Variants in VMP1 observed in about 807,000 individuals in gnomAD.
VMP1 encodes vacuole membrane protein 1.
VMP1 carries 11 observed loss-of-function variants against 56.0 expected under a neutral mutation model. That is an observed-to-expected ratio of 0.20 (90% CI 0.12 to 0.32). The LOEUF is 0.32. Ranked by LOEUF, VMP1 falls within the 10% of genes least tolerant of loss-of-function variation. The probability of loss-of-function intolerance (pLI) is 1.00; values close to 1 mark genes in which losing one functional copy is unlikely to be tolerated. For synonymous variants in VMP1, 149 were observed against 165.0 expected (o/e 0.90, Z 0.74); for missense variants, 296 against 490.3 (o/e 0.60, Z 3.74).
rs543862899 is a variant in VMP1 at position 59,807,832 on chromosome 17, CAA to C, written c.715-946_715-945del. ...GGGCAACAAGAGTGAAACTCCGTCT[CAA>C]AAAAAAAAAAAAAAAAAGAAAGTTG... On this transcript the variant is annotated intron_variant, in intron 7 of 11. Coordinates refer to ENST00000262291, the MANE Select transcript of VMP1 (RefSeq NM_030938.5). Among the ~76,000 whole-genome samples, 323 of 85,638 alleles carry C rather than the reference CAA, an allele frequency of 3.8e-3. 1 individual carries two copies. The highest frequency in any genetic ancestry group is 0.012 in the African/African-American group (283 of 23,972). 56.2% of individuals were successfully genotyped at this position (85,638 alleles called of 152,430 possible). A position where few individuals can be genotyped will look rare whatever the true frequency, so the allele number is the denominator to read the frequency against.
At chr17:59,763,466 TAA>T (rs2036129193) in intron 5 of VMP1, among the ~76,000 whole-genome samples, 1 of 152,128 alleles carries the variant, frequency 6.6e-6, no homozygotes, top group South Asian at 2.1e-4. Context: ...GAACAAAGGC[TAA>T]AACTTCACAT....
chr17:59,733,929 G>T (rs1046813151), intron 2 of VMP1, among the ~76,000 whole-genome samples: 6 of 152,118 alleles, frequency 3.9e-5, no homozygotes, highest in Non-Finnish European at 8.8e-5. Flanking sequence ...CCAAGATCAC[G>T]TGACTAATAG....
intron 10 of VMP1, among the ~76,000 whole-genome samples, chr17:59,836,811 C>T: frequency 6.6e-6 from 1 of 151,478 alleles, no homozygotes. Flanking sequence ...AAGAATCAGC[C>T]AGAAGTTAGG....
At chr17:59,761,191 G>A (rs1037418232) in intron 5 of VMP1, among the ~76,000 whole-genome samples, 1 of 152,136 alleles carries the variant, frequency 6.6e-6, no homozygotes, top group Non-Finnish European at 1.5e-5. Flanking sequence ...GTGAGCCACC[G>A]CACCCAGCCC....
chr17:59,799,692 G>A (rs112185623), intron 7 of VMP1, among the ~76,000 whole-genome samples: 1 of 152,152 alleles, frequency 6.6e-6, no homozygotes, highest in African/African-American at 2.4e-5. Context: ...GCCGGGCGCA[G>A]TGGCTCACGC....
intron 7 of VMP1, among the ~76,000 whole-genome samples, chr17:59,798,947 C>T (rs916890118): frequency 1.3e-5 from 2 of 152,066 alleles, no homozygotes; most frequent in Non-Finnish European, 2.9e-5. Context: ...ATTTTCACAC[C>T]GCATTTTAAT....
chr17:59,778,539 T>G (rs891185227), intron 7 of VMP1, among the ~76,000 whole-genome samples: 6 of 101,912 alleles, frequency 5.9e-5, no homozygotes, highest in Non-Finnish European at 8.8e-5. Flanking sequence ...AGACTCTGTC[T>G]CAAAAAAAAA....
chr17:59,718,926 C>T (rs2034281502), intron 1 of VMP1, among the ~76,000 whole-genome samples: 1 of 152,016 alleles, frequency 6.6e-6, no homozygotes, highest in Non-Finnish European at 1.5e-5. Flanking sequence ...AGTACACATT[C>T]TTTAACTGGA....
chr17:59,755,745 T>TTG (rs1555616995), intron 5 of VMP1, among the ~76,000 whole-genome samples: 12 of 151,038 alleles, frequency 7.9e-5, no homozygotes, highest in African/African-American at 2.7e-4. Flanking sequence ...GTTTTTGGTT[T>TTG]TTTTTTTTTT....
chr17:59,727,257 C>T (rs2034643195), intron 1 of VMP1, among the ~76,000 whole-genome samples: 1 of 151,998 alleles, frequency 6.6e-6, no homozygotes, highest in South Asian at 2.1e-4. Context: ...GCCTCAGCCT[C>T]CAGAGTAGTT....
At chr17:59,795,737 G>A (rs930559429) in intron 7 of VMP1, among the ~76,000 whole-genome samples, 2 of 152,078 alleles carry the variant, frequency 1.3e-5, no homozygotes, top group African/African-American at 4.8e-5. Flanking sequence ...AGTAGTAATT[G>A]TGCTTATCAT....
intron 7 of VMP1, among the ~76,000 whole-genome samples, chr17:59,806,708 T>A: frequency 7.5e-6 from 1 of 132,548 alleles, no homozygotes; most frequent in Non-Finnish European, 1.6e-5. Flanking sequence ...AGAGTGAAAG[T>A]TTGTCTCAAA....
chr17:59,764,945 A>G lies in VMP1; in HGVS notation c.415-26A>G, dbSNP rs751093590. On this transcript the variant is annotated intron_variant, in intron 5 of 11. Coordinates refer to ENST00000262291, the MANE Select transcript of VMP1 (RefSeq NM_030938.5). The stretch of plus-strand genomic sequence containing the variant: ...TGATAATTTTTTAATAGTTCTTATC[A>G]GAAGTTTCTTGTATTTGTTTTATAG... 5.4e-6 allele frequency: 8 copies of G among 1,483,414 alleles called. 1 individual carries two copies. The African/African-American group carries it at 9.8e-5, about 18-fold the overall frequency. 91.9% of individuals were successfully genotyped at this position (1,483,414 alleles called of 1,614,324 possible).
intron 10 of VMP1, among the ~76,000 whole-genome samples, chr17:59,837,324 A>G (rs1325519424): frequency 1.3e-5 from 2 of 152,138 alleles, no homozygotes; most frequent in Non-Finnish European, 2.9e-5. Flanking sequence ...GTTTGAACTT[A>G]TTTACCTCCT....
chr17:59,837,438 G>A (rs2039017914), intron 10 of VMP1, among the ~76,000 whole-genome samples: 1 of 152,148 alleles, frequency 6.6e-6, no homozygotes. Context: ...CTGCAAGCAT[G>A]TCTAAAACAG....
intron 5 of VMP1, among the ~76,000 whole-genome samples, chr17:59,754,104 A>G (rs1057268085): frequency 2.6e-4 from 40 of 152,192 alleles, no homozygotes; most frequent in African/African-American, 8.9e-4. Context: ...TCTGCTTTAA[A>G]GTTTGGGATT....
chr17:59,710,073 T>C (rs1199894455), intron 1 of VMP1, among the ~76,000 whole-genome samples: 2 of 152,014 alleles, frequency 1.3e-5, no homozygotes, highest in Non-Finnish European at 2.9e-5. Flanking sequence ...GGCAGGCGCC[T>C]GTAATCCCAG....
At chr17:59,742,598 G>A (rs1247273703) in intron 5 of VMP1, among the ~76,000 whole-genome samples, 1 of 151,524 alleles carries the variant, frequency 6.6e-6, no homozygotes, top group Non-Finnish European at 1.5e-5. Flanking sequence ...CAGAAAAATT[G>A]AGCAGAAAAG....
At chr17:59,773,728 T>C in intron 6 of VMP1, 26 bp from the exon 7 acceptor site, 1 of 1,573,290 alleles carries the variant, frequency 6.4e-7, no homozygotes, top group Non-Finnish European at 8.6e-7. Flanking sequence ...AGAACCTCAT[T>C]GTAAGTATTT....
Sources: allele counts gnomAD v4.1 joint callset (sites outside exome capture counted in the v4.1 genomes callset), GRCh38; gene constraint gnomAD v4.1.1; transcripts MANE v1.5; gene names NCBI Gene and HGNC (gene_info 2026-07-23, HGNC 2026-07-21).